The following TCF7L2 variants were observed in gnomAD, a reference collection of about 807,000 sequenced individuals.
The protein encoded by TCF7L2 is transcription factor 7 like 2, also known as transcription factor 7-like 2.
In TCF7L2, 23 loss-of-function variants were observed where a neutral mutation model predicts 77.9. The observed-to-expected ratio is 0.30, with a 90% CI of 0.21 to 0.42. The LOEUF (loss-of-function observed/expected upper bound fraction) is 0.42. Ranked by LOEUF, TCF7L2 falls within the 10% of genes least tolerant of loss-of-function variation. The pLI, the probability that TCF7L2 is intolerant of heterozygous loss-of-function variation, is 1.00. For missense variants in TCF7L2, 654 were observed against 793.1 expected, an observed-to-expected ratio of 0.82 and a Z score of 2.11; for synonymous variants, 413 against 340.2, an observed-to-expected ratio of 1.21 and a Z score of -2.36.
At chr10:113,111,638 A>G (rs1365739641) in intron 5 of TCF7L2, among the ~76,000 whole-genome samples, 3 of 152,124 alleles carry the variant, frequency 2.0e-5, no homozygotes, top group Non-Finnish European at 2.9e-5. Flanking sequence ...CAGAAAATGC[A>G]AAAATTAGCC....
intron 10 of TCF7L2, 97 bp from the exon 11 acceptor site, chr10:113,152,236 C>A: frequency 1.8e-6 from 2 of 1,108,258 alleles, no homozygotes; most frequent in Non-Finnish European, 2.8e-6. Flanking sequence ...AAAAAGGCAG[C>A]ATTATTTATC....
chr10:113,165,648 C>A lies in TCF7L2; in HGVS notation c.1485C>A (p.Pro495=), dbSNP rs149031135. The A allele has an allele frequency of 8.1e-6, 13 of 1,612,272 alleles. No homozygotes were observed. Among genetic ancestry groups the A allele is most frequent in the South Asian group, 1.1e-5 (1 of 90,808 alleles). Reference sequence around the variant, plus strand: ...GAAGCTTACTAGATTCGCCTCCCCCCTCCCCGAACCTGCTAGGCTCCCCTC... The same window carrying A: ...GAAGCTTACTAGATTCGCCTCCCCCATCCCCGAACCTGCTAGGCTCCCCTC... Residue 495 remains proline (P), a synonymous_variant, in exon 14 of 14, where the codon CCC becomes CCA. Coordinates refer to ENST00000627217, the MANE Select transcript of TCF7L2 (RefSeq NM_001146274.2).
intron 4 of TCF7L2, among the ~76,000 whole-genome samples, chr10:113,025,651 G>A (rs1023749987): frequency 1.5e-4 from 23 of 152,274 alleles, no homozygotes; most frequent in African/African-American, 5.5e-4. Flanking sequence ...AAAGTGCTGG[G>A]ATTACAGGTG....
intron 4 of TCF7L2, among the ~76,000 whole-genome samples, chr10:113,021,779 G>T (rs865977662): frequency 1.3e-5 from 2 of 152,208 alleles, no homozygotes; most frequent in Admixed American, 6.5e-5. Flanking sequence ...CCCTTGGCTT[G>T]TTGACAGCGT....
At position 113,152,361 on chromosome 10, in the gene TCF7L2, C is replaced by G. The variant is rs2137178620; in HGVS notation, c.1190C>G (p.Ala397Gly). Residue 397 changes from alanine to glycine, a missense_variant, in exon 11 of 14, where the codon GCG becomes GGG. Around this residue, in one of 6 missense-constraint regions of TCF7L2, gnomAD observed 31 missense variants for 116.1 expected, o/e 0.27. Transcript: ENST00000627217. ...CATGCACTGTCCAGAGAAGAGCAAG[C>G]GAAATACTACGAGCTGGCCCGGAAG... is the stretch of plus-strand genomic sequence containing the variant. The G allele has an allele frequency of 1.2e-6, 2 of 1,614,202 alleles. No individual in the cohort carries two copies. The highest frequency in any genetic ancestry group is 1.7e-5 in the Admixed American group (1 of 60,020).
intron 4 of TCF7L2, among the ~76,000 whole-genome samples, chr10:112,975,311 G>C (rs1176534560): frequency 6.6e-6 from 1 of 152,088 alleles, no homozygotes; most frequent in Non-Finnish European, 1.5e-5. Context: ...TTGAGGCTCG[G>C]TCTGGAAACT....
At position 113,165,959 on chromosome 10, in the gene TCF7L2, A is replaced by G. The variant is rs2074021992; in HGVS notation, c.1796A>G (p.Lys599Arg). The change falls in exon 14 of 14, where the codon AAG becomes AGG. Residue 599 changes from lysine to arginine, a missense_variant. Around this residue, in one of 6 missense-constraint regions of TCF7L2, gnomAD observed 272 missense variants for 215.4 expected, o/e 1.26. Coordinates refer to ENST00000627217, the MANE Select transcript of TCF7L2 (RefSeq NM_001146274.2). ...CCCCAGCCGCTGTCGCTCGTCACCA[A>G]GTCTTTAGAATAGCTTTAGCGTCGT... is the stretch of plus-strand genomic sequence containing the variant. 6.5e-7 allele frequency: 1 copy of G among 1,529,248 alleles called. No individual in the cohort carries two copies. Among genetic ancestry groups the G allele is most frequent in the Non-Finnish European group, 8.8e-7 (1 of 1,137,046 alleles). The allele number at this position is 1,529,248 out of a possible 1,614,324, so 94.7% of individuals were successfully genotyped here. A position where few individuals can be genotyped will look rare whatever the true frequency, so the allele number is the denominator to read the frequency against.
chr10:113,118,980 A>G (rs2136245740), intron 5 of TCF7L2, among the ~76,000 whole-genome samples: 1 of 152,284 alleles, frequency 6.6e-6, no homozygotes, highest in South Asian at 2.1e-4. Flanking sequence ...CAAATAGTCG[A>G]CGTTATCAGG....
chr10:113,160,348 C>T (rs11196248), intron 12 of TCF7L2, among the ~76,000 whole-genome samples: 3,534 of 151,968 alleles, frequency 0.023, 52 homozygotes, highest in Non-Finnish European at 0.034. Context: ...CTCCCCTCCT[C>T]TTCTCTCTCT....
Position 113,143,830 on chromosome 10 carries a change from C to CGTCTCTT in TCF7L2, c.686-92_686-86dup. On this transcript the variant is annotated intron_variant, in intron 6 of 13. Coordinates refer to ENST00000627217, the MANE Select transcript of TCF7L2 (RefSeq NM_001146274.2). ...TTGTGCTAGGATTCCAGAAGAGATG[C>CGTCTCTT]GTCTCTTCCTCCTTTCCCTGTTCCC... is the stretch of plus-strand genomic sequence containing the variant. 3.6e-6 allele frequency: 3 copies of CGTCTCTT among 837,680 alleles called. No individual in the cohort carries two copies. In the South Asian group the frequency reaches 5.4e-5, roughly 15 times the overall value. 51.9% of individuals were successfully genotyped at this position (837,680 alleles called of 1,614,324 possible).
chr10:113,142,420 TG>T (rs1208746707), intron 6 of TCF7L2, among the ~76,000 whole-genome samples: 1 of 152,178 alleles, frequency 6.6e-6, no homozygotes, highest in Admixed American at 6.5e-5. Context: ...AGCAGCCTGG[TG>T]GGGTGGTCTT....
intron 13 of TCF7L2, among the ~76,000 whole-genome samples, chr10:113,163,424 T>C (rs1389872108): frequency 6.6e-6 from 1 of 152,212 alleles, no homozygotes; most frequent in African/African-American, 2.4e-5. Flanking sequence ...TTCTCCCTGC[T>C]TCTTTCTTTC....
chr10:113,027,090 G>GTCC (rs2049320453), intron 4 of TCF7L2, among the ~76,000 whole-genome samples: 2 of 152,220 alleles, frequency 1.3e-5, no homozygotes, highest in Non-Finnish European at 2.9e-5. Flanking sequence ...AATAAAGGTG[G>GTCC]TCCTTGCTTT....
At chr10:113,126,723 C>A in intron 5 of TCF7L2, 3 of 985,934 alleles carry the variant, frequency 3.0e-6, no homozygotes, top group Non-Finnish European at 3.6e-6. Context: ...TGTGCTGCTC[C>A]CCTGTGCCGC....
rs558540507 is a variant in TCF7L2 at position 113,099,614 on chromosome 10, C to T, written c.553-41570C>T. On this transcript the variant is annotated intron_variant, in intron 5 of 13. Coordinates refer to ENST00000627217, the MANE Select transcript of TCF7L2 (RefSeq NM_001146274.2). Reference sequence around the variant, plus strand: ...GTGTGGTGGGGATCTTCTGTGTGTGCTTGTCCTCCCCCTGGGAAATGATGA... The same window carrying T: ...GTGTGGTGGGGATCTTCTGTGTGTGTTTGTCCTCCCCCTGGGAAATGATGA... Among the ~76,000 whole-genome samples the T allele has an allele frequency of 4.6e-5, 7 of 152,342 alleles. No homozygotes were observed. In the South Asian group the frequency reaches 1.2e-3, roughly 27 times the overall value.
At chr10:113,073,929 A>G (rs1245333986) in intron 5 of TCF7L2, among the ~76,000 whole-genome samples, 2 of 152,074 alleles carry the variant, frequency 1.3e-5, no homozygotes. Flanking sequence ...ACGTTATAGC[A>G]TTTCTCTGCT....
At chr10:113,088,075 C>G (rs985817620) in intron 5 of TCF7L2, among the ~76,000 whole-genome samples, 1 of 152,072 alleles carries the variant, frequency 6.6e-6, no homozygotes, top group Non-Finnish European at 1.5e-5. Flanking sequence ...ATGAAAAAAT[C>G]GTTCATGGAG....
Position 112,950,695 on chromosome 10 carries a change from T to C in TCF7L2, c.-62T>C. 1 of 1,517,318 alleles carries C rather than the reference T, an allele frequency of 6.6e-7. No individual in the cohort carries two copies. The highest frequency in any genetic ancestry group is 8.8e-7 in the Non-Finnish European group (1 of 1,135,946). The allele number at this position is 1,517,318 out of a possible 1,614,324, so 94.0% of individuals were successfully genotyped here. ...GGGCAAAACTTTTTGGGGGTGATTT[T>C]TTTTGGCTTTTCTTCCTCCTTCATT... On this transcript the variant is annotated 5_prime_UTR_variant, in exon 1 of 14. Coordinates refer to ENST00000627217, the MANE Select transcript of TCF7L2 (RefSeq NM_001146274.2).
At chr10:113,016,800 G>A (rs1015860046) in intron 4 of TCF7L2, among the ~76,000 whole-genome samples, 3 of 151,846 alleles carry the variant, frequency 2.0e-5, no homozygotes, top group Non-Finnish European at 4.4e-5. Flanking sequence ...ACCTGCACCC[G>A]CCAGCTAATC....
Sources: allele counts gnomAD v4.1 joint callset (sites outside exome capture counted in the v4.1 genomes callset), GRCh38; gene constraint gnomAD v4.1.1; regional missense constraint gnomAD v4.1.1; transcripts MANE v1.5; gene names NCBI Gene and HGNC (gene_info 2026-07-23, HGNC 2026-07-21).